The following SERPINI1 variants were observed in gnomAD, a reference collection of about 807,000 sequenced individuals.
SERPINI1 encodes neuroserpin.
In SERPINI1, 19 loss-of-function variants were observed where a neutral mutation model predicts 41.1. The ratio of observed to expected loss-of-function variants is 0.46; its 90% CI spans 0.32 to 0.68. SERPINI1 has a LOEUF of 0.68. SERPINI1 is among the 30% of genes least tolerant of loss of function. The pLI is 0.03. For synonymous variants in SERPINI1, 138 were observed against 156.6 expected, an observed-to-expected ratio of 0.88 and a Z score of 0.89; for missense variants, 460 against 479.2, an observed-to-expected ratio of 0.96 and a Z score of 0.37.
chr3:167,792,212 C>G (rs893017061), intron 3 of SERPINI1, among the ~76,000 whole-genome samples: 5 of 152,050 alleles, frequency 3.3e-5, no homozygotes, highest in African/African-American at 1.2e-4. Context: ...TGCATCATTG[C>G]AACTAGAAAG....
intron 1 of SERPINI1, among the ~76,000 whole-genome samples, chr3:167,751,400 T>C (rs1444567665): frequency 6.6e-6 from 1 of 152,220 alleles, no homozygotes; most frequent in Non-Finnish European, 1.5e-5. Flanking sequence ...GGTAGCCCTG[T>C]AATTACACAA....
At chr3:167,774,244 A>G (rs1726890476) in intron 1 of SERPINI1, among the ~76,000 whole-genome samples, 2 of 152,178 alleles carry the variant, frequency 1.3e-5, no homozygotes. Flanking sequence ...CCAATATTTG[A>G]CCACTTTGAC....
At chr3:167,750,533 A>G (rs1234665377) in intron 1 of SERPINI1, among the ~76,000 whole-genome samples, 1 of 152,210 alleles carries the variant, frequency 6.6e-6, no homozygotes, top group Non-Finnish European at 1.5e-5. Context: ...TGAAAGGTTT[A>G]CAGGAGGCAG....
At chr3:167,821,325 C>T (rs1485339936) in intron 6 of SERPINI1, among the ~76,000 whole-genome samples, 1 of 152,192 alleles carries the variant, frequency 6.6e-6, no homozygotes, top group Non-Finnish European at 1.5e-5. Flanking sequence ...CCTAGTAGCT[C>T]CCGAGCCAGG....
At chr3:167,744,863 A>G (rs1313663596) in intron 1 of SERPINI1, among the ~76,000 whole-genome samples, 1 of 128,462 alleles carries the variant, frequency 7.8e-6, no homozygotes, top group Non-Finnish European at 1.6e-5. Context: ...TTATATATAT[A>G]TATAAATATA....
intron 1 of SERPINI1, among the ~76,000 whole-genome samples, chr3:167,776,158 C>G (rs1000923243): frequency 1.3e-5 from 2 of 152,164 alleles, no homozygotes; most frequent in Non-Finnish European, 2.9e-5. Context: ...CCACAATGGC[C>G]TTGGGCCACA....
chr3:167,772,889 TATATACACACACACACAC>T (rs1236873597), intron 1 of SERPINI1, among the ~76,000 whole-genome samples: 24 of 77,128 alleles, frequency 3.1e-4, no homozygotes, highest in Middle Eastern at 6.2e-3. Flanking sequence ...TATATATATA[TATATACACACACACACAC>T]ACACACACAC....
At chr3:167,748,878 C>T (rs1206561234) in intron 1 of SERPINI1, among the ~76,000 whole-genome samples, 3 of 151,960 alleles carry the variant, frequency 2.0e-5, no homozygotes, top group South Asian at 2.1e-4. Flanking sequence ...TTTTCCCAGC[C>T]TCCCTGGCCT....
intron 1 of SERPINI1, among the ~76,000 whole-genome samples, chr3:167,741,422 C>T (rs1327116159): frequency 1.3e-5 from 2 of 152,142 alleles, no homozygotes; most frequent in Non-Finnish European, 2.9e-5. Context: ...AGCATCTTGG[C>T]TTTTCTTGAA....
intron 1 of SERPINI1, among the ~76,000 whole-genome samples, chr3:167,781,723 T>G (rs1355287981): frequency 6.9e-6 from 1 of 145,578 alleles, no homozygotes; most frequent in African/African-American, 2.5e-5. Flanking sequence ...TCTCTTTTTC[T>G]CAACTCACAA....
chr3:167,789,112 CT>C lies in SERPINI1; in HGVS notation c.-15del. ...AATATGTAAATTGTTGTTTTTTAGG[CT>C]TGAAACTGTTACAATATGGCTTTCC... On this transcript the variant is annotated splice_region_variant and 5_prime_UTR_variant, in exon 2 of 9. Coordinates refer to ENST00000446050, the MANE Select transcript of SERPINI1 (RefSeq NM_001122752.2). 2.5e-6 allele frequency: 4 copies of C among 1,613,090 alleles called. No individual in the cohort carries two copies. The highest frequency in any genetic ancestry group is 3.4e-6 in the Non-Finnish European group (4 of 1,179,870).
rs559051136 is a variant in SERPINI1, at chr3:167,791,523, G to A, written c.481+921G>A. Among the ~76,000 whole-genome samples the A allele has an allele frequency of 2.0e-3, 297 of 152,196 alleles. 1 individual carries two copies. The highest frequency in any genetic ancestry group is 7.1e-3 in the African/African-American group (293 of 41,528). The stretch of plus-strand genomic sequence containing the variant: ...AGATGACAATAAAAGAAACTTAAAT[G>A]TAGTCTTTTAATAGTCAAAGAATAC... On this transcript the variant is annotated intron_variant, in intron 3 of 8. Transcript: ENST00000446050.
intron 5 of SERPINI1, among the ~76,000 whole-genome samples, chr3:167,805,866 T>C (rs566224613): frequency 3.8e-4 from 58 of 152,300 alleles, no homozygotes; most frequent in Non-Finnish European, 6.0e-4. Flanking sequence ...TGTGGTGCTA[T>C]TTCTGAGGTC....
At chr3:167,820,876 G>A (rs550494598) in intron 6 of SERPINI1, among the ~76,000 whole-genome samples, 4 of 152,208 alleles carry the variant, frequency 2.6e-5, no homozygotes, top group South Asian at 2.1e-4. Context: ...CTTTTTCCGC[G>A]CCACCTGTGG....
chr3:167,796,734 CA>C (rs1727726397), intron 5 of SERPINI1, among the ~76,000 whole-genome samples: 1 of 135,638 alleles, frequency 7.4e-6, no homozygotes, highest in Admixed American at 7.1e-5. Context: ...ATATGTACAA[CA>C]TTTTTTTTTT....
chr3:167,786,348 C>CA lies in SERPINI1; in HGVS notation c.-18-2753dup, dbSNP rs1183858312. On this transcript the variant is annotated intron_variant, in intron 1 of 8. Coordinates refer to ENST00000446050, the MANE Select transcript of SERPINI1 (RefSeq NM_001122752.2). ...TGAAACCCCGTCTCTACTAAAAATA[C>CA]AAAAAAAAAATTAGCCGGGCGTTGT... Among the ~76,000 whole-genome samples, 139 of 147,486 alleles carry CA rather than the reference C, an allele frequency of 9.4e-4. 1 individual carries two copies. The highest frequency in any genetic ancestry group is 2.5e-3 in the African/African-American group (101 of 40,280).
intron 1 of SERPINI1, among the ~76,000 whole-genome samples, chr3:167,740,364 T>G (rs1725637617): frequency 6.6e-6 from 1 of 152,196 alleles, no homozygotes; most frequent in South Asian, 2.1e-4. Context: ...CTGTGCCTTG[T>G]GTAGAGTAAA....
At chr3:167,791,285 A>T (rs2108557610) in intron 3 of SERPINI1, among the ~76,000 whole-genome samples, 1 of 152,314 alleles carries the variant, frequency 6.6e-6, no homozygotes, top group South Asian at 2.1e-4. Context: ...ATAGCTGTTC[A>T]TTAAATGAAG....
chr3:167,760,392 A>G (rs1384890374), intron 1 of SERPINI1, among the ~76,000 whole-genome samples: 1 of 151,594 alleles, frequency 6.6e-6, no homozygotes, highest in Non-Finnish European at 1.5e-5. Context: ...GGGAACTGTG[A>G]GATCATATGC....
Sources: allele counts gnomAD v4.1 joint callset (sites outside exome capture counted in the v4.1 genomes callset), GRCh38; gene constraint gnomAD v4.1.1; transcripts MANE v1.5; gene names NCBI Gene and HGNC (gene_info 2026-07-23, HGNC 2026-07-21).